Variants in SLC26A1 observed in about 807,000 individuals in gnomAD.
SLC26A1 encodes solute carrier family 26 member 1, also known as sulfate anion transporter 1.
Under a neutral mutation model 14.5 loss-of-function variants are expected in SLC26A1, and 18 were observed. The observed-to-expected ratio is 1.24, with a 90% CI of 0.86 to 1.84. The LOEUF (loss-of-function observed/expected upper bound fraction) is 1.84. Among genes scored for constraint, SLC26A1 ranks in the 40% most tolerant of loss-of-function variants. The pLI is 0.00. For synonymous variants in SLC26A1, 505 were observed against 492.0 expected, an observed-to-expected ratio of 1.03 and a Z score of -0.35; for missense variants, 1,049 against 1,020.0, an observed-to-expected ratio of 1.03 and a Z score of -0.39.
chr4:987,630 TC>T (rs1048541389), downstream of SLC26A1: 19 of 1,444,162 alleles, frequency 1.3e-5, no homozygotes, highest in African/African-American at 2.1e-4. Flanking sequence ...CTGCTGCCGT[TC>T]CCCATGAAGA....
chr4:991,390 G>T lies in SLC26A1; in HGVS notation c.314C>A (p.Ser105Tyr), dbSNP rs762920004. 6.2e-7 allele frequency: 1 copy of T among 1,612,848 alleles called. No individual in the cohort carries two copies. The highest frequency in any genetic ancestry group is 1.1e-5 in the South Asian group (1 of 91,090). The change falls in exon 2 of 3, where the codon TCC (serine) becomes TAC (tyrosine). Residue 105 changes from serine (S) to tyrosine (Y), a missense_variant. Ser to Tyr is a moderately radical substitution (Grantham distance 144). Coordinates refer to ENST00000398516, the MANE Select transcript of SLC26A1 (RefSeq NM_022042.4). ...GLQPIYSLYTSFFANLIYFLM... is the reference protein window; with the variant it reads ...GLQPIYSLYTYFFANLIYFLM... ...GAAGTAGATGAGGTTGGCGAAGAAG[G>T]ACGTATAGAGGCTGTAGATGGGCTG... is the stretch of plus-strand genomic sequence containing the variant.
chr4:991,345 T>A lies in SLC26A1; in HGVS notation c.359A>T (p.His120Leu), dbSNP rs765451526. ...CAGGCTGAAGATGCCCACGGAGACA[T>A]GCCGTGAGGTGCCCATGAGGAAGTA... Reference protein sequence around the residue: ...LIYFLMGTSRHVSVGIFSLLC... With the variant: ...LIYFLMGTSRLVSVGIFSLLC... The change falls in exon 2 of 3, where the codon CAT becomes CTT. Residue 120 changes from histidine to leucine, a missense_variant. Transcript: ENST00000398516. 1 of 1,612,672 alleles carries A rather than the reference T, an allele frequency of 6.2e-7. No homozygotes were observed. Among genetic ancestry groups the A allele is most frequent in the Non-Finnish European group, 8.5e-7 (1 of 1,179,896 alleles).
downstream of SLC26A1, chr4:987,018 G>A: frequency 7.7e-7 from 1 of 1,298,784 alleles, no homozygotes; most frequent in Non-Finnish European, 1.0e-6. Flanking sequence ...TGCGCGCCCA[G>A]ACTCCGACCC....
In SLC26A1 at chr4:988,151, T is replaced by C. The variant is rs1023393595; in HGVS notation, c.*682A>G. ...GCCCCTGCATGGGGCACGGTGGGCT[T>C]CCTGCAGGTCTCCCTGCAGGCTCAG... On this transcript the variant is annotated 3_prime_UTR_variant, in exon 3 of 3. Coordinates refer to ENST00000398516, the MANE Select transcript of SLC26A1 (RefSeq NM_022042.4). 4 of 1,399,470 alleles carry C rather than the reference T, an allele frequency of 2.9e-6. No homozygotes were observed. The African/African-American group carries it at 4.4e-5, about 15-fold the overall frequency. The allele number at this position is 1,399,470 out of a possible 1,614,324, so 86.7% of individuals were successfully genotyped here.
rs751574638 is a variant in SLC26A1 at position 991,393 on chromosome 4, G to C, written c.311C>G (p.Thr104Arg). ...AGLQPIYSLY[T>R]SFFANLIYFL... The stretch of plus-strand genomic sequence containing the variant: ...GTAGATGAGGTTGGCGAAGAAGGAC[G>C]TATAGAGGCTGTAGATGGGCTGCAG... Residue 104 changes from threonine (T) to arginine (R), a missense_variant, in exon 2 of 3, where the codon ACG (threonine) becomes AGG (arginine). Thr to Arg is a moderately conservative substitution (Grantham distance 71). Coordinates refer to ENST00000398516, the MANE Select transcript of SLC26A1 (RefSeq NM_022042.4). The C allele has an allele frequency of 1.9e-6, 3 of 1,612,718 alleles. No individual in the cohort carries two copies. The highest frequency in any genetic ancestry group is 2.5e-6 in the Non-Finnish European group (3 of 1,179,968).
chr4:987,696 ACGGGCAGCGCCTGGATCCTGCGCC>A lies in SLC26A1; in HGVS notation c.*1113_*1136del. 1 of 1,541,354 alleles carries A rather than the reference ACGGGCAGCGCCTGGATCCTGCGCC, an allele frequency of 6.5e-7. No individual in the cohort carries two copies. Among genetic ancestry groups the A allele is most frequent in the Non-Finnish European group, 8.8e-7 (1 of 1,142,210 alleles). On this transcript the variant is annotated 3_prime_UTR_variant, in exon 3 of 3. Coordinates refer to ENST00000398516, the MANE Select transcript of SLC26A1 (RefSeq NM_022042.4). The stretch of plus-strand genomic sequence containing the variant: ...GGTCATTTTATTAGTCACTGAACGC[ACGGGCAGCGCCTGGATCCTGCGCC>A]CGGGCAGTCCTGGGCTTGAACGTGT...
In SLC26A1 at chr4:989,399, C is replaced by T; in HGVS notation, c.1540G>A (p.Ala514Thr). 1 of 1,564,838 alleles carries T rather than the reference C, an allele frequency of 6.4e-7. No individual in the cohort carries two copies. Among genetic ancestry groups the T allele is most frequent in the Admixed American group, 1.9e-5 (1 of 52,628 alleles). ...TAGAAGGCCGTGTCCCCGATGCGGG[C>T]CAGCAGGGCGGTGCGTGGGCGTTGG... ...RTQRPRTALL[A>T]RIGDTAFYED... Residue 514 changes from alanine (A) to threonine (T), a missense_variant, in exon 3 of 3, where the codon GCC (alanine) becomes ACC (threonine). Ala to Thr is a moderately conservative substitution (Grantham distance 58). Transcript: ENST00000398516.
At chr4:980,699 A>G (rs1023485298) in intron 2 of SLC26A1, among the ~76,000 whole-genome samples, 1 of 151,954 alleles carries the variant, frequency 6.6e-6, no homozygotes, top group Non-Finnish European at 1.5e-5. Flanking sequence ...GAAAACCAAG[A>G]TTTTGTTTAA....
At chr4:987,280 C>A, downstream of SLC26A1, 2 of 1,503,796 alleles carry the variant, frequency 1.3e-6, no homozygotes, top group Non-Finnish European at 1.8e-6. Context: ...CCTGGCCGCA[C>A]GGGGAGAGCT....
rs770701423 is a variant in SLC26A1, at chr4:989,831, A to G, written c.1108T>C (p.Ser370Pro). Residue 370 changes from serine to proline, a missense_variant, in exon 3 of 3, where the codon TCT becomes CCT. Physicochemically the swap from Ser to Pro is moderately conservative, Grantham distance 74 (BLOSUM62 -1). Transcript: ENST00000398516. ...AEMFARSHGY[S>P]VRANQELLAV... ...AGCAGCTCCTGGTTGGCACGCACAG[A>G]GTAGCCGTGACTGCGGGCGAACATC... The G allele has an allele frequency of 5.1e-6, 8 of 1,580,452 alleles. No individual in the cohort carries two copies. Among genetic ancestry groups the G allele is most frequent in the Non-Finnish European group, 6.9e-6 (8 of 1,164,192 alleles).
exon 3 of SLC26A1, chr4:979,337 G>C: frequency 1.1e-6 from 1 of 914,296 alleles, no homozygotes; most frequent in Non-Finnish European, 1.8e-6. Flanking sequence ...TGTATCCACC[G>C]GCTTCTCGTG....
intron 2 of SLC26A1, chr4:979,549 C>G (rs760524276): frequency 6.2e-7 from 1 of 1,608,118 alleles, no homozygotes; most frequent in Non-Finnish European, 8.5e-7. Flanking sequence ...GCCGCTGACC[C>G]GCTGACGTCT....
At chr4:979,110 C>T (rs1024137795) in exon 3 of SLC26A1, 2 of 245,622 alleles carry the variant, frequency 8.1e-6, no homozygotes, top group East Asian at 8.0e-5. Context: ...AAGAGGAAGA[C>T]GAAAGGTAAT....
At position 988,937 on chromosome 4, in the gene SLC26A1, C is replaced by G. The variant is rs142262555; in HGVS notation, c.2002G>C (p.Gly668Arg). 2 of 1,598,702 alleles carry G rather than the reference C, an allele frequency of 1.3e-6. No individual in the cohort carries two copies. Among genetic ancestry groups the G allele is most frequent in the Non-Finnish European group, 1.7e-6 (2 of 1,173,630 alleles). ...AGCTGCTCCTCCTCAGCCGTGTCCCCGGGGCCCTCCCCGAGGAAGCCTCCT... is the reference window on the plus strand; with the variant it reads ...AGCTGCTCCTCCTCAGCCGTGTCCCGGGGGCCCTCCCCGAGGAAGCCTCCT... ...SRGGFLGEGP[G>R]DTAEEEQLFL... The change falls in exon 3 of 3, where the codon GGG (glycine) becomes CGG (arginine). Residue 668 changes from glycine (G) to arginine (R), a missense_variant. Coordinates refer to ENST00000398516, the MANE Select transcript of SLC26A1 (RefSeq NM_022042.4).
rs1368231716 is a variant in SLC26A1, at chr4:990,142, G to T, written c.797C>A (p.Thr266Asn). Reference sequence around the variant, plus strand: ...CAGCACCGCCAGGCACACCGTGCTGGTGACCACGTCGCACACGTTGGCCTG... The same window carrying T: ...CAGCACCGCCAGGCACACCGTGCTGTTGACCACGTCGCACACGTTGGCCTG... ...AGQANVCDVVTSTVCLAVLLA... is the reference protein window; with the variant it reads ...AGQANVCDVVNSTVCLAVLLA... The change falls in exon 3 of 3, where the codon ACC becomes AAC. Residue 266 changes from threonine to asparagine, a missense_variant. Coordinates refer to ENST00000398516, the MANE Select transcript of SLC26A1 (RefSeq NM_022042.4). 1.3e-6 allele frequency: 2 copies of T among 1,569,012 alleles called. No individual in the cohort carries two copies. Among genetic ancestry groups the T allele is most frequent in the South Asian group, 1.2e-5 (1 of 85,610 alleles).
At position 991,187 on chromosome 4, in the gene SLC26A1, G is replaced by A. The variant is rs371815691; in HGVS notation, c.517C>T (p.Arg173Cys). 6.3e-6 allele frequency: 10 copies of A among 1,590,428 alleles called. No homozygotes were observed. The highest frequency in any genetic ancestry group is 2.7e-5 in the African/African-American group (2 of 74,614). ...GCGACACGGATGGCGTAGCAGTCACGCCCGCAGTCCAGCATGGCAGCCGAG... is the reference window on the plus strand; with the variant it reads ...GCGACACGGATGGCGTAGCAGTCACACCCGCAGTCCAGCATGGCAGCCGAG... ...NGSAAMLDCG[R>C]DCYAIRVATA... Residue 173 changes from arginine (R) to cysteine (C), a missense_variant, in exon 2 of 3, where the codon CGT becomes TGT. Coordinates refer to ENST00000398516, the MANE Select transcript of SLC26A1 (RefSeq NM_022042.4).
chr4:987,104 G>A (rs1200035624), downstream of SLC26A1: 2 of 1,456,738 alleles, frequency 1.4e-6, no homozygotes, highest in Non-Finnish European at 1.8e-6. Flanking sequence ...CTGCGCCCCC[G>A]CGCCGCGCTG....
chr4:987,160 G>A (rs746809894), downstream of SLC26A1: 281 of 1,431,084 alleles, frequency 2.0e-4, 2 homozygotes, highest in East Asian at 5.0e-3. Context: ...GGTGGCCCCG[G>A]CCGAGGCCCC....
chr4:984,221 C>T (rs1713631715), downstream of SLC26A1, among the ~76,000 whole-genome samples: 1 of 152,164 alleles, frequency 6.6e-6, no homozygotes, highest in Non-Finnish European at 1.5e-5. Context: ...GTGTATCATT[C>T]AATAAATTTT....
Sources: allele counts gnomAD v4.1 joint callset (sites outside exome capture counted in the v4.1 genomes callset), GRCh38; gene constraint gnomAD v4.1.1; transcripts MANE v1.5; gene names NCBI Gene and HGNC (gene_info 2026-07-23, HGNC 2026-07-21).